DOCK3: variants seen among roughly 807,000 people sequenced by gnomAD.
DOCK3 encodes dedicator of cytokinesis 3, also known as dedicator of cytokinesis protein 3.
DOCK3 carries 60 observed loss-of-function variants against 265.6 expected under a neutral mutation model. The ratio of observed to expected loss-of-function variants is 0.23; its 90% CI spans 0.18 to 0.28. The LOEUF (loss-of-function observed/expected upper bound fraction) is 0.28. Among genes scored for constraint, DOCK3 ranks in the 10% least tolerant of loss-of-function variants. The pLI, the probability that DOCK3 is intolerant of heterozygous loss-of-function variation, is 1.00. For missense variants in DOCK3, 1,981 were observed against 2,594.3 expected, an observed-to-expected ratio of 0.76 and a Z score of 5.14; for synonymous variants, 881 against 938.0, an observed-to-expected ratio of 0.94 and a Z score of 1.11.
chr3:50,991,680 T>C (rs1367481549), intron 5 of DOCK3, among the ~76,000 whole-genome samples: 2 of 152,100 alleles, frequency 1.3e-5, no homozygotes, highest in African/African-American at 4.8e-5. Context: ...AGACAGATCA[T>C]TGAGGCAGAA....
rs991669174 is a variant in DOCK3 at position 50,920,049 on chromosome 3, T to G, written c.219-13932T>G. ...TTGGTTCTGTTTATATGATGGATTA[T>G]GTTTATTGATTTGCATATGTTGAAC... On this transcript the variant is annotated intron_variant, in intron 4 of 52. Coordinates refer to ENST00000266037, the MANE Select transcript of DOCK3 (RefSeq NM_004947.5). Among the ~76,000 whole-genome samples the G allele has an allele frequency of 3.9e-5, 6 of 152,310 alleles. No individual in the cohort carries two copies. The East Asian group carries it at 1.2e-3, about 29-fold the overall frequency.
chr3:51,341,379 A>C lies in DOCK3; in HGVS notation c.3909A>C (p.Lys1303Asn), dbSNP rs767298206. Reference protein sequence around the residue: ...LCRKIIHYFNKGKSWEFGIPL... With the variant: ...LCRKIIHYFNNGKSWEFGIPL... ...GGAAGATCATTCACTACTTCAACAA[A>C]GGCAAGGTATGCATCATTAGGCAAG... Residue 1303 changes from lysine to asparagine, a missense_variant, in exon 38 of 53, where the codon AAA becomes AAC. Physicochemically the swap from Lys to Asn is moderately conservative, Grantham distance 94 (BLOSUM62 0). Coordinates refer to ENST00000266037, the MANE Select transcript of DOCK3 (RefSeq NM_004947.5). The C allele has an allele frequency of 6.2e-7, 1 of 1,613,680 alleles. No individual in the cohort carries two copies. Among genetic ancestry groups the C allele is most frequent in the Non-Finnish European group, 8.5e-7 (1 of 1,179,754 alleles).
intron 25 of DOCK3, among the ~76,000 whole-genome samples, 168 bp from the exon 26 acceptor site, chr3:51,277,440 G>C (rs1358228193): frequency 1.3e-5 from 2 of 152,318 alleles, no homozygotes; most frequent in East Asian, 3.9e-4. Flanking sequence ...CTCACCTCCT[G>C]TCAAAGCCAT....
At chr3:51,331,694 G>A (rs902256631) in intron 33 of DOCK3, among the ~76,000 whole-genome samples, 7 of 152,136 alleles carry the variant, frequency 4.6e-5, no homozygotes, top group South Asian at 2.1e-4. Flanking sequence ...GCAGTGGTAC[G>A]CACCTGTAAT....
chr3:50,875,815 A>C (rs991852851), intron 3 of DOCK3, among the ~76,000 whole-genome samples: 1 of 151,992 alleles, frequency 6.6e-6, no homozygotes, highest in African/African-American at 2.4e-5. Flanking sequence ...CTTGCCTCAT[A>C]GAATGAAGTT....
At chr3:50,900,698 T>C (rs566718309) in intron 4 of DOCK3, 7 of 451,696 alleles carry the variant, frequency 1.5e-5, no homozygotes, top group South Asian at 9.4e-5. Flanking sequence ...TCTTATTCCT[T>C]TCTGTTTGTT....
chr3:50,824,299 A>G (rs2044633770), intron 2 of DOCK3, among the ~76,000 whole-genome samples: 1 of 152,144 alleles, frequency 6.6e-6, no homozygotes, highest in Non-Finnish European at 1.5e-5. Context: ...ATTCATGGGG[A>G]ATTATATAAG....
At chr3:50,873,130 G>C (rs1364638464) in intron 3 of DOCK3, among the ~76,000 whole-genome samples, 1 of 152,088 alleles carries the variant, frequency 6.6e-6, no homozygotes, top group Non-Finnish European at 1.5e-5. Flanking sequence ...AACACAGCTG[G>C]AAATGTGCTG....
chr3:51,144,824 A>G (rs2085225472), intron 9 of DOCK3, among the ~76,000 whole-genome samples: 2 of 152,216 alleles, frequency 1.3e-5, no homozygotes, highest in African/African-American at 4.8e-5. Flanking sequence ...CGAACAAACT[A>G]AACTGATACT....
chr3:51,205,731 A>G (rs534639786), intron 12 of DOCK3, among the ~76,000 whole-genome samples: 3 of 152,260 alleles, frequency 2.0e-5, no homozygotes, highest in Admixed American at 2.0e-4. Flanking sequence ...GAAAGAAAGA[A>G]TTCATTGTTA....
At chr3:51,232,987 C>T (rs1003639705) in intron 19 of DOCK3, among the ~76,000 whole-genome samples, 1 of 152,090 alleles carries the variant, frequency 6.6e-6, no homozygotes, top group Admixed American at 6.6e-5. Flanking sequence ...GTCTGTGTGT[C>T]TTTTTTTATA....
chr3:51,065,394 C>G (rs1354227637), intron 6 of DOCK3, among the ~76,000 whole-genome samples: 2 of 152,174 alleles, frequency 1.3e-5, no homozygotes, highest in East Asian at 3.9e-4. Context: ...TCTATGAGCC[C>G]ATTTCTGGAA....
intron 2 of DOCK3, among the ~76,000 whole-genome samples, chr3:50,798,964 T>C (rs2042932419): frequency 6.6e-6 from 1 of 152,210 alleles, no homozygotes; most frequent in Non-Finnish European, 1.5e-5. Flanking sequence ...TTCAGCATAA[T>C]TTATTGAAAA....
chr3:51,091,422 G>A (rs887927836), intron 9 of DOCK3, among the ~76,000 whole-genome samples: 3 of 152,118 alleles, frequency 2.0e-5, no homozygotes, highest in Admixed American at 1.3e-4. Flanking sequence ...AATGGCTCAC[G>A]ACTGTAATGC....
At chr3:51,028,254 A>T (rs2079900944) in intron 5 of DOCK3, among the ~76,000 whole-genome samples, 1 of 152,138 alleles carries the variant, frequency 6.6e-6, no homozygotes, top group Non-Finnish European at 1.5e-5. Flanking sequence ...ATAGGCCCCC[A>T]ATCTCTTCTG....
At chr3:50,979,613 G>A (rs2077617351) in intron 5 of DOCK3, among the ~76,000 whole-genome samples, 1 of 152,134 alleles carries the variant, frequency 6.6e-6, no homozygotes, top group Admixed American at 6.5e-5. Flanking sequence ...CGAAACAGAT[G>A]CTGGTGCCAT....
At chr3:51,220,685 A>ATGTG (rs1188634968) in intron 14 of DOCK3, among the ~76,000 whole-genome samples, 183 of 38,980 alleles carry the variant, frequency 4.7e-3, no homozygotes, top group African/African-American at 6.0e-3. Flanking sequence ...ATATATATAT[A>ATGTG]TATGTGTGTG....
intron 1 of DOCK3, among the ~76,000 whole-genome samples, chr3:50,707,403 C>T (rs2036479205): frequency 1.3e-5 from 2 of 151,276 alleles, no homozygotes; most frequent in Non-Finnish European, 2.9e-5. Context: ...TGCCACTGCA[C>T]TCCAGCCTGG....
chr3:50,894,644 A>G (rs1245850666), intron 4 of DOCK3, among the ~76,000 whole-genome samples: 1 of 152,162 alleles, frequency 6.6e-6, no homozygotes, highest in African/African-American at 2.4e-5. Flanking sequence ...AAGAATAACT[A>G]TAACTACAAA....
Sources: gnomAD v4.1 joint callset for allele counts (sites outside exome capture counted in the v4.1 genomes callset) on GRCh38, gnomAD v4.1.1 for gene constraint, MANE v1.5 for transcripts, NCBI Gene and HGNC (gene_info 2026-07-23, HGNC 2026-07-21) for gene names.